The following XRCC5 variants were observed in gnomAD, a reference collection of about 807,000 sequenced individuals.
The protein encoded by XRCC5 is X-ray repair cross complementing 5.
Under a neutral mutation model 95.7 loss-of-function variants are expected in XRCC5, and 12 were observed. That is an observed-to-expected ratio of 0.13 (90% CI 0.08 to 0.20). The LOEUF (loss-of-function observed/expected upper bound fraction) is 0.20. XRCC5 is among the 10% of genes least tolerant of loss of function. The probability of loss-of-function intolerance (pLI) is 1.00; values close to 1 mark genes in which losing one functional copy is unlikely to be tolerated. For synonymous variants in XRCC5, 281 were observed against 290.3 expected (o/e 0.97, Z 0.33); for missense variants, 595 against 873.9 (o/e 0.68, Z 4.02).
intron 16 of XRCC5, among the ~76,000 whole-genome samples, chr2:216,189,875 C>A (rs569696677): frequency 4.6e-5 from 7 of 152,214 alleles, no homozygotes; most frequent in Non-Finnish European, 7.4e-5. Context: ...TTGAATTATC[C>A]AAATGGCCCC....
chr2:216,187,861 T>TCTCTCTCTCTCCCCC lies in XRCC5; in HGVS notation c.1835-2363_1835-2362insTCTCTCTCTCCCCCC, dbSNP rs143232624. On this transcript the variant is annotated intron_variant, in intron 16 of 20. Transcript: ENST00000392132. ...CTCTCTCTCTCTCTCTCTCTCTCTC[T>TCTCTCTCTCTCCCCC]CCCCGTCTCCCTGTCTCTCCCTCTC... is the stretch of plus-strand genomic sequence containing the variant. 7.7e-5 allele frequency among the ~76,000 whole-genome samples: 9 copies of TCTCTCTCTCTCCCCC among 116,226 alleles called. 1 individual carries two copies. Among genetic ancestry groups the TCTCTCTCTCTCCCCC allele is most frequent in the African/African-American group, 3.8e-4 (9 of 23,850 alleles). The allele number at this position is 116,226 out of a possible 152,430, so 76.2% of individuals were successfully genotyped here.
rs1345864003 is a variant in XRCC5, at chr2:216,146,484, G to A, written c.1477-1599G>A. Among the ~76,000 whole-genome samples, 3 of 148,418 alleles carry A rather than the reference G, an allele frequency of 2.0e-5. No homozygotes were observed. The South Asian group carries it at 6.2e-4, about 31-fold the overall frequency. ...AATTACAGGAGCTCTTCAGCTCCCT[G>A]GTGTTTTGTTTGTTTTTTTTAGAAT... On this transcript the variant is annotated intron_variant, in intron 13 of 20. Coordinates refer to ENST00000392132, the MANE Select transcript of XRCC5 (RefSeq NM_021141.4).
intron 5 of XRCC5, 129 bp from the exon 6 acceptor site, chr2:216,121,933 A>G (rs777853209): frequency 1.3e-6 from 1 of 796,276 alleles, no homozygotes; most frequent in Non-Finnish European, 1.9e-6. Context: ...TGGCTAAGGT[A>G]GGTAAGAGTC....
Position 216,175,763 on chromosome 2 carries a change from C to T in XRCC5, c.1834+13715C>T, listed in dbSNP as rs1443527896. 16 of 449,842 alleles carry T rather than the reference C, an allele frequency of 3.6e-5. No homozygotes were observed. The Admixed American group carries it at 4.1e-4, about 12-fold the overall frequency. The allele number at this position is 449,842 out of a possible 1,614,324, so 27.9% of individuals were successfully genotyped here. A position where few individuals can be genotyped will look rare whatever the true frequency, so the allele number is the denominator to read the frequency against. ...GTCAAGCACACATTGCTGTGTCCAC[C>T]TCTTCAACACAAGAGAAAGCCATAA... On this transcript the variant is annotated intron_variant, in intron 16 of 20. Transcript: ENST00000392132.
chr2:216,164,650 G>C (rs965929059), intron 16 of XRCC5, among the ~76,000 whole-genome samples: 3 of 152,194 alleles, frequency 2.0e-5, no homozygotes, highest in Non-Finnish European at 4.4e-5. Flanking sequence ...ACTGGAGCTG[G>C]TTTAGGAGAG....
chr2:216,176,911 T>C (rs975312980), intron 16 of XRCC5, among the ~76,000 whole-genome samples: 1 of 152,258 alleles, frequency 6.6e-6, no homozygotes, highest in African/African-American at 2.4e-5. Context: ...TTTGTTTTCA[T>C]TTAGTTTAAA....
chr2:216,150,318 G>T (rs773044477), intron 14 of XRCC5, among the ~76,000 whole-genome samples: 11 of 152,088 alleles, frequency 7.2e-5, no homozygotes, highest in Non-Finnish European at 2.9e-5. Flanking sequence ...ACCTTTATGA[G>T]ATTTTCTTCA....
chr2:216,130,501 T>C (rs1189712497), intron 8 of XRCC5, among the ~76,000 whole-genome samples: 2 of 152,170 alleles, frequency 1.3e-5, no homozygotes, highest in African/African-American at 4.8e-5. Flanking sequence ...TTCTGAATAA[T>C]GTGTTCTTAT....
At chr2:216,164,027 A>G (rs926155235) in intron 16 of XRCC5, among the ~76,000 whole-genome samples, 15 of 152,370 alleles carry the variant, frequency 9.8e-5, no homozygotes, top group Admixed American at 7.2e-4. Flanking sequence ...TGGTGAAAAC[A>G]GTACTTCAGA....
chr2:216,144,799 G>A (rs1420316393), intron 13 of XRCC5, among the ~76,000 whole-genome samples: 3 of 152,210 alleles, frequency 2.0e-5, no homozygotes, highest in Non-Finnish European at 4.4e-5. Flanking sequence ...AAAGACAAGT[G>A]AGTAAGATTG....
chr2:216,154,540 T>A (rs751956474), intron 14 of XRCC5, among the ~76,000 whole-genome samples: 33 of 152,336 alleles, frequency 2.2e-4, no homozygotes, highest in Admixed American at 1.1e-3. Flanking sequence ...CCCTAATTTG[T>A]CTTACCCCTT....
In XRCC5 at chr2:216,192,750, G is replaced by C; in HGVS notation, c.2041+15G>C. On this transcript the variant is annotated intron_variant, in intron 18 of 20. Coordinates refer to ENST00000392132, the MANE Select transcript of XRCC5 (RefSeq NM_021141.4). ...TGTTGTCCAGGGTAAGTTGTCATTTGCCTTTTTTTTTAAAAAGTATTTTTA... is the reference window on the plus strand; with the variant it reads ...TGTTGTCCAGGGTAAGTTGTCATTTCCCTTTTTTTTTAAAAAGTATTTTTA... 2 of 1,528,402 alleles carry C rather than the reference G, an allele frequency of 1.3e-6. No individual in the cohort carries two copies. Among genetic ancestry groups the C allele is most frequent in the East Asian group, 2.4e-5 (1 of 42,412 alleles). 94.7% of individuals were successfully genotyped at this position (1,528,402 alleles called of 1,614,324 possible).
At chr2:216,198,957 T>C (rs187301505) in intron 19 of XRCC5, among the ~76,000 whole-genome samples, 1 of 152,330 alleles carries the variant, frequency 6.6e-6, no homozygotes, top group African/African-American at 2.4e-5. Context: ...AGGAAGATTC[T>C]GGCTCAAGGA....
chr2:216,156,459 G>A, intron 14 of XRCC5: 1 of 696,122 alleles, frequency 1.4e-6, no homozygotes, highest in South Asian at 1.4e-5. Context: ...GTACAGCACT[G>A]GTCAGATCTA....
At chr2:216,201,306 A>G (rs1689829303) in intron 19 of XRCC5, among the ~76,000 whole-genome samples, 1 of 152,214 alleles carries the variant, frequency 6.6e-6, no homozygotes, top group Non-Finnish European at 1.5e-5. Flanking sequence ...TTTTTTACAC[A>G]TCTAGATTGT....
intron 1 of XRCC5, among the ~76,000 whole-genome samples, chr2:216,111,901 G>C (rs571336075): frequency 6.6e-6 from 1 of 152,156 alleles, no homozygotes. Flanking sequence ...CTAGATCCCA[G>C]GTCTCCCGAT....
intron 16 of XRCC5, among the ~76,000 whole-genome samples, chr2:216,181,332 G>A (rs1391165499): frequency 6.6e-6 from 1 of 151,938 alleles, no homozygotes; most frequent in Non-Finnish European, 1.5e-5. Context: ...ACAGATTTAA[G>A]TTCTTATAGC....
intron 19 of XRCC5, among the ~76,000 whole-genome samples, chr2:216,197,880 A>G (rs1184251514): frequency 6.6e-6 from 1 of 152,214 alleles, no homozygotes; most frequent in African/African-American, 2.4e-5. Flanking sequence ...ATATTTAGAT[A>G]ACACTTTGAC....
chr2:216,162,114 T>A, intron 16 of XRCC5, 66 bp downstream of exon 16: 1 of 1,418,016 alleles, frequency 7.1e-7, no homozygotes, highest in South Asian at 1.1e-5. Flanking sequence ...AAGTCTAGAT[T>A]AAGAACTGTA....
Sources: gnomAD v4.1 joint callset for allele counts (sites outside exome capture counted in the v4.1 genomes callset) on GRCh38, gnomAD v4.1.1 for gene constraint, MANE v1.5 for transcripts, NCBI Gene and HGNC (gene_info 2026-07-23, HGNC 2026-07-21) for gene names.